Variants in NRG3 observed in about 807,000 individuals in gnomAD.
The protein encoded by NRG3 is neuregulin 3, also known as pro-neuregulin-3, membrane-bound isoform.
In NRG3, 31 loss-of-function variants were observed where a neutral mutation model predicts 66.9. That is an observed-to-expected ratio of 0.46 (90% CI 0.35 to 0.63). The LOEUF (loss-of-function observed/expected upper bound fraction) is 0.63. NRG3 is among the 20% of genes least tolerant of loss of function. The pLI, the probability that NRG3 is intolerant of heterozygous loss-of-function variation, is 0.00. For missense variants in NRG3, 910 were observed against 878.9 expected (o/e 1.04, Z -0.45); for synonymous variants, 393 against 359.4 (o/e 1.09, Z -1.06).
At chr10:82,551,703 T>C (rs1421525152) in intron 2 of NRG3, among the ~76,000 whole-genome samples, 1 of 151,994 alleles carries the variant, frequency 6.6e-6, no homozygotes, top group Non-Finnish European at 1.5e-5. Context: ...ACCATAGCGG[T>C]CAATGAGTAA....
chr10:82,283,178 G>A (rs1213669925), intron 1 of NRG3, among the ~76,000 whole-genome samples: 2 of 151,976 alleles, frequency 1.3e-5, no homozygotes. Flanking sequence ...GATCCCAGGG[G>A]TGAAGATTGG....
At chr10:82,536,242 T>G (rs1057438838) in intron 2 of NRG3, among the ~76,000 whole-genome samples, 2 of 152,160 alleles carry the variant, frequency 1.3e-5, no homozygotes, top group African/African-American at 4.8e-5. Flanking sequence ...TTTGATGGAT[T>G]CAAGAAGACA....
chr10:82,462,868 T>A (rs1256039182), intron 2 of NRG3, among the ~76,000 whole-genome samples: 1 of 152,212 alleles, frequency 6.6e-6, no homozygotes, highest in South Asian at 2.1e-4. Flanking sequence ...CTGTCTTTTT[T>A]ATTTTTTCCT....
intron 1 of NRG3, among the ~76,000 whole-genome samples, chr10:82,245,219 A>G (rs1291154089): frequency 1.3e-5 from 2 of 152,144 alleles, no homozygotes; most frequent in East Asian, 3.9e-4. Flanking sequence ...TCCCATAGGG[A>G]GAGCATAACC....
intron 1 of NRG3, among the ~76,000 whole-genome samples, chr10:81,893,431 CAGTATGGAATGGACTTTT>C (rs1843213480): frequency 6.6e-6 from 1 of 150,566 alleles, no homozygotes; most frequent in Non-Finnish European, 1.5e-5. Context: ...TGAACATCCG[CAGTATGGAATGGACTTTT>C]TTTTTGCTAA....
At position 81,898,870 on chromosome 10, in the gene NRG3, G is replaced by C. The variant is rs1356623081; in HGVS notation, c.823+22707G>C. 2.6e-5 allele frequency among the ~76,000 whole-genome samples: 4 copies of C among 152,170 alleles called. No individual in the cohort carries two copies. In the East Asian group the frequency reaches 5.8e-4, roughly 22 times the overall value. ...AACAGGTTTAAAGTTATGTATAACT[G>C]TGGTTATACAGGAAGATTTCAGAAA... On this transcript the variant is annotated intron_variant, in intron 1 of 8. Coordinates refer to ENST00000372141, the MANE Select transcript of NRG3 (RefSeq NM_001010848.4).
At chr10:82,239,666 AT>A (rs1479715197) in intron 1 of NRG3, among the ~76,000 whole-genome samples, 1 of 151,946 alleles carries the variant, frequency 6.6e-6, no homozygotes, top group African/African-American at 2.4e-5. Flanking sequence ...TTTTTTGCTT[AT>A]TTTTTGCTGC....
chr10:82,133,621 A>G (rs2132544771), intron 1 of NRG3, among the ~76,000 whole-genome samples: 1 of 152,278 alleles, frequency 6.6e-6, no homozygotes. Context: ...ATAGTATTCC[A>G]TGGTGTATAT....
chr10:82,109,149 T>C (rs887797390), intron 1 of NRG3, among the ~76,000 whole-genome samples: 9 of 152,160 alleles, frequency 5.9e-5, no homozygotes, highest in African/African-American at 1.9e-4. Context: ...AGAATTATGA[T>C]GTGGTCAACT....
At chr10:82,698,170 C>T (rs906437253) in intron 2 of NRG3, among the ~76,000 whole-genome samples, 1 of 119,816 alleles carries the variant, frequency 8.3e-6, no homozygotes, top group Non-Finnish European at 2.0e-5. Context: ...GTTCATAACA[C>T]GTTTGATTTT....
At chr10:82,113,276 G>T (rs948596483) in intron 1 of NRG3, among the ~76,000 whole-genome samples, 13 of 152,082 alleles carry the variant, frequency 8.5e-5, no homozygotes. Flanking sequence ...ATGTCAAATT[G>T]TCCAACATCA....
intron 1 of NRG3, among the ~76,000 whole-genome samples, chr10:82,262,751 G>A (rs1475733857): frequency 2.6e-5 from 4 of 152,166 alleles, no homozygotes; most frequent in South Asian, 2.1e-4. Context: ...ACTGCTAGGC[G>A]CAGTGTGCCT....
chr10:82,240,438 A>G (rs568143972), intron 1 of NRG3, among the ~76,000 whole-genome samples: 7 of 152,278 alleles, frequency 4.6e-5, no homozygotes, highest in African/African-American at 1.7e-4. Flanking sequence ...CCACTAAATG[A>G]TGGTTGCTTA....
At chr10:82,096,269 G>C (rs973408508) in intron 1 of NRG3, among the ~76,000 whole-genome samples, 2 of 152,132 alleles carry the variant, frequency 1.3e-5, no homozygotes, top group African/African-American at 2.4e-5. Context: ...GAGGTCAAGA[G>C]ATTGAGACCA....
intron 2 of NRG3, among the ~76,000 whole-genome samples, chr10:82,695,239 T>G (rs2134236790): frequency 6.6e-6 from 1 of 152,290 alleles, no homozygotes; most frequent in Non-Finnish European, 1.5e-5. Flanking sequence ...TCTGACCTAG[T>G]AATTCCTAAT....
intron 1 of NRG3, among the ~76,000 whole-genome samples, chr10:82,082,183 T>C (rs1428504557): frequency 6.6e-6 from 1 of 152,196 alleles, no homozygotes; most frequent in Non-Finnish European, 1.5e-5. Context: ...CTTTCCTCTT[T>C]GTTGTTGTAA....
chr10:82,740,807 GA>G (rs1312844149), intron 3 of NRG3, among the ~76,000 whole-genome samples: 1 of 121,738 alleles, frequency 8.2e-6, no homozygotes, highest in African/African-American at 3.3e-5. Context: ...CTGGGTGACA[GA>G]GCAAGACTCT....
At chr10:82,898,999 C>T (rs1252272265) in intron 4 of NRG3, among the ~76,000 whole-genome samples, 8 of 151,760 alleles carry the variant, frequency 5.3e-5, no homozygotes, top group Non-Finnish European at 1.0e-4. Flanking sequence ...CTTGAGCCAC[C>T]GCATCTGGCC....
At chr10:82,533,935 CA>C (rs1165201986) in intron 2 of NRG3, among the ~76,000 whole-genome samples, 1 of 151,972 alleles carries the variant, frequency 6.6e-6, no homozygotes, top group Admixed American at 6.6e-5. Context: ...AAACCATATC[CA>C]AAAATTAGTT....
Sources: gnomAD v4.1 joint callset for allele counts (sites outside exome capture counted in the v4.1 genomes callset) on GRCh38, gnomAD v4.1.1 for gene constraint, MANE v1.5 for transcripts, NCBI Gene and HGNC (gene_info 2026-07-23, HGNC 2026-07-21) for gene names.